SLC25A40: variants seen among roughly 807,000 people sequenced by gnomAD.
The protein encoded by SLC25A40 is solute carrier family 25 member 40, also known as mitochondrial glutathione transporter SLC25A40.
In SLC25A40, 41 loss-of-function variants were observed where a neutral mutation model predicts 46.5. The ratio of observed to expected loss-of-function variants is 0.88; its 90% CI spans 0.69 to 1.14. The LOEUF is 1.14. SLC25A40 is among the 50% of genes most tolerant of loss of function. The probability of loss-of-function intolerance (pLI) is 0.00; values close to 1 mark genes in which losing one functional copy is unlikely to be tolerated. For missense variants in SLC25A40, 386 were observed against 393.6 expected (o/e 0.98, Z 0.16); for synonymous variants, 126 against 127.5 (o/e 0.99, Z 0.08).
chr7:87,866,999 T>A (rs1838812536), intron 1 of SLC25A40, among the ~76,000 whole-genome samples: 3 of 132,036 alleles, frequency 2.3e-5, no homozygotes, highest in Non-Finnish European at 5.0e-5. Flanking sequence ...AAGCGCTTAT[T>A]CTGTCTTTTT....
At chr7:87,848,636 G>C (rs1166623429) in intron 6 of SLC25A40, among the ~76,000 whole-genome samples, 2 of 152,068 alleles carry the variant, frequency 1.3e-5, no homozygotes, top group Non-Finnish European at 2.9e-5. Flanking sequence ...AACATCATCA[G>C]AATTACATAC....
In SLC25A40 at chr7:87,850,344, C is replaced by A. The variant is rs569110722; in HGVS notation, c.265-396G>T. Among the ~76,000 whole-genome samples, 29 of 152,240 alleles carry A rather than the reference C, an allele frequency of 1.9e-4. 1 individual carries two copies. The South Asian group carries it at 5.4e-3, about 28-fold the overall frequency. On this transcript the variant is annotated intron_variant, in intron 5 of 11. Coordinates refer to ENST00000341119, the MANE Select transcript of SLC25A40 (RefSeq NM_018843.4). ...TCTTTGGAGAGGAACCAAAAGTAGG[C>A]AGAGCTGAAGAGAAGTCTTCTATTA... is the stretch of plus-strand genomic sequence containing the variant.
At chr7:87,841,755 A>T in intron 9 of SLC25A40, 41 bp from the exon 10 acceptor site, 1 of 1,208,254 alleles carries the variant, frequency 8.3e-7, no homozygotes, top group African/African-American at 1.6e-5. Flanking sequence ...TCAACCTGTT[A>T]ATTTTTCCTA....
intron 1 of SLC25A40, among the ~76,000 whole-genome samples, chr7:87,873,777 G>A (rs1838930689): frequency 6.6e-6 from 1 of 152,136 alleles, no homozygotes; most frequent in South Asian, 2.1e-4. Flanking sequence ...TAGGGACAGG[G>A]CCAGCAATGA....
intron 10 of SLC25A40, among the ~76,000 whole-genome samples, chr7:87,838,382 A>G (rs1397939143): frequency 2.0e-5 from 3 of 151,528 alleles, no homozygotes; most frequent in Non-Finnish European, 3.0e-5. Context: ...TAAAAAGAGT[A>G]TCAACTGAAG....
intron 1 of SLC25A40, among the ~76,000 whole-genome samples, chr7:87,872,204 A>G (rs1275864658): frequency 6.6e-6 from 1 of 152,202 alleles, no homozygotes; most frequent in Non-Finnish European, 1.5e-5. Context: ...TCTTTTCCAA[A>G]ACTTACATGG....
At position 87,847,877 on chromosome 7, in the gene SLC25A40, T is replaced by C. The variant is rs1445302447; in HGVS notation, c.433A>G (p.Ile145Val). ...CATCTGGCTACAATTCCAGCAACAATTGGTATGCAGGTTTCATTTTCTCCT... is the reference window on the plus strand; with the variant it reads ...CATCTGGCTACAATTCCAGCAACAACTGGTATGCAGGTTTCATTTTCTCCT... ...KLGENETCIP[I>V]VAGIVARFGA... Residue 145 changes from isoleucine to valine, a missense_variant, in exon 7 of 12, where the codon ATT (isoleucine) becomes GTT (valine). Coordinates refer to ENST00000341119, the MANE Select transcript of SLC25A40 (RefSeq NM_018843.4). The C allele has an allele frequency of 6.8e-6, 11 of 1,609,458 alleles. No homozygotes were observed. Among genetic ancestry groups the C allele is most frequent in the African/African-American group, 2.7e-5 (2 of 74,740 alleles).
intron 1 of SLC25A40, among the ~76,000 whole-genome samples, chr7:87,867,580 G>C (rs561881887): frequency 6.6e-6 from 1 of 152,070 alleles, no homozygotes; most frequent in East Asian, 1.9e-4. Context: ...GTCTCTTTAG[G>C]ATCAGTCATT....
chr7:87,864,812 G>A (rs1838762837), intron 1 of SLC25A40, among the ~76,000 whole-genome samples: 1 of 152,106 alleles, frequency 6.6e-6, no homozygotes, highest in Non-Finnish European at 1.5e-5. Context: ...TCTATTCTGT[G>A]TTAGTACTAA....
chr7:87,861,001 G>A (rs1162882742), intron 1 of SLC25A40, among the ~76,000 whole-genome samples: 1 of 152,020 alleles, frequency 6.6e-6, no homozygotes, highest in Non-Finnish European at 1.5e-5. Flanking sequence ...GTTTTTTTTG[G>A]GAAGGGAGTG....
chr7:87,867,021 G>A (rs1281448998), intron 1 of SLC25A40, among the ~76,000 whole-genome samples: 2 of 151,678 alleles, frequency 1.3e-5, no homozygotes, highest in East Asian at 3.9e-4. Context: ...TAACTCCTTT[G>A]TCTCCGCCAG....
chr7:87,842,002 G>A, intron 9 of SLC25A40: 1 of 399,504 alleles, frequency 2.5e-6, no homozygotes, highest in Non-Finnish European at 5.0e-6. Context: ...TCCACTACCA[G>A]CATTCACAAT....
intron 10 of SLC25A40, among the ~76,000 whole-genome samples, chr7:87,840,022 G>A (rs952819014): frequency 1.3e-4 from 19 of 151,698 alleles, no homozygotes; most frequent in African/African-American, 4.6e-4. Flanking sequence ...CAAATTACAA[G>A]TGCAATTTCA....
chr7:87,844,736 C>T (rs1294621082), intron 8 of SLC25A40, among the ~76,000 whole-genome samples: 1 of 151,362 alleles, frequency 6.6e-6, no homozygotes, highest in African/African-American at 2.4e-5. Flanking sequence ...ACTGCACAAG[C>T]TACAAAGATT....
intron 1 of SLC25A40, among the ~76,000 whole-genome samples, chr7:87,873,688 C>A (rs61232411): frequency 0.015 from 2,234 of 152,136 alleles, 58 homozygotes; most frequent in African/African-American, 0.051. Context: ...CCTCGGCCTC[C>A]CAAAGTGCTG....
chr7:87,858,961 A>G lies in SLC25A40; in HGVS notation c.-24-210T>C, dbSNP rs563087797. 4.6e-5 allele frequency among the ~76,000 whole-genome samples: 7 copies of G among 152,292 alleles called. No individual in the cohort carries two copies. The South Asian group carries it at 1.5e-3, about 32-fold the overall frequency. On this transcript the variant is annotated intron_variant, in intron 2 of 11. Coordinates refer to ENST00000341119, the MANE Select transcript of SLC25A40 (RefSeq NM_018843.4). ...ACACACTACTAAAAAAACCTCCCCA[A>G]TAGAGTACAGAGGTATCAGCAAATA...
chr7:87,866,493 T>A (rs961272436), intron 1 of SLC25A40, among the ~76,000 whole-genome samples: 5 of 152,298 alleles, frequency 3.3e-5, no homozygotes, highest in South Asian at 2.1e-4. Flanking sequence ...CCTTTTAGAG[T>A]TTGATTATTA....
At chr7:87,837,457 T>C (rs937108643) in intron 10 of SLC25A40, among the ~76,000 whole-genome samples, 83 of 151,370 alleles carry the variant, frequency 5.5e-4, no homozygotes, top group African/African-American at 2.0e-3. Flanking sequence ...ATTCTTGAAA[T>C]AAATTAGACC....
intron 11 of SLC25A40, 84 bp from the exon 12 acceptor site, chr7:87,836,445 T>C (rs752371624): frequency 4.6e-6 from 4 of 875,440 alleles, no homozygotes; most frequent in Non-Finnish European, 4.9e-6. Context: ...TTTATTCTGA[T>C]AATTATCAAA....
Sources: allele counts gnomAD v4.1 joint callset (sites outside exome capture counted in the v4.1 genomes callset), GRCh38; gene constraint gnomAD v4.1.1; transcripts MANE v1.5; gene names NCBI Gene and HGNC (gene_info 2026-07-23, HGNC 2026-07-21).